The following ZFP64 variants were observed in gnomAD, a reference collection of about 807,000 sequenced individuals.
ZFP64 encodes zinc finger protein 64.
A neutral mutation model predicts 51.6 loss-of-function variants in ZFP64; 14 were observed. The ratio of observed to expected loss-of-function variants is 0.27; its 90% CI spans 0.18 to 0.42. The LOEUF is 0.42. ZFP64 is among the 10% of genes least tolerant of loss of function. The pLI, the probability that ZFP64 is intolerant of heterozygous loss-of-function variation, is 1.00. For synonymous variants in ZFP64, 375 were observed against 361.4 expected (o/e 1.04, Z -0.43); for missense variants, 754 against 906.8 (o/e 0.83, Z 2.16).
chr20:52,094,590 C>G (rs190018795), intron 7 of ZFP64, among the ~76,000 whole-genome samples: 1 of 152,006 alleles, frequency 6.6e-6, no homozygotes, highest in Admixed American at 6.6e-5. Context: ...GAGACCTCGT[C>G]ACTACAAAAT....
At chr20:52,088,768 A>G (rs1198507489) in intron 7 of ZFP64, 1 of 1,220,598 alleles carries the variant, frequency 8.2e-7, no homozygotes, top group African/African-American at 1.5e-5. Flanking sequence ...TGAGAGAGAA[A>G]GATACTGAAG....
At chr20:52,147,763 C>T (rs1980594502), downstream of ZFP64, among the ~76,000 whole-genome samples, 1 of 152,060 alleles carries the variant, frequency 6.6e-6, no homozygotes, top group Non-Finnish European at 1.5e-5. Flanking sequence ...ACCTGTAATC[C>T]CAGCACTTTG....
chr20:52,092,456 C>T (rs988896787), intron 7 of ZFP64, among the ~76,000 whole-genome samples: 6 of 152,148 alleles, frequency 3.9e-5, no homozygotes, highest in African/African-American at 1.2e-4. Flanking sequence ...CAAAGTCAAT[C>T]GTGACTATTA....
intron 5 of ZFP64, among the ~76,000 whole-genome samples, chr20:52,158,181 T>C (rs530902779): frequency 6.6e-6 from 1 of 152,344 alleles, no homozygotes; most frequent in South Asian, 2.1e-4. Context: ...ATGGTAATTA[T>C]TTTGGCTTTT....
exon 9 of ZFP64, chr20:52,084,775 T>C (rs2078846212): frequency 2.5e-6 from 4 of 1,614,194 alleles, no homozygotes; most frequent in Non-Finnish European, 3.4e-6. Flanking sequence ...TGCGTCACGA[T>C]CTTGGCCACG....
At chr20:52,090,562 G>A (rs938469638) in intron 7 of ZFP64, among the ~76,000 whole-genome samples, 10 of 151,914 alleles carry the variant, frequency 6.6e-5, no homozygotes, top group Admixed American at 1.3e-4. Flanking sequence ...GCACTTTGGG[G>A]GGCCAAGGTG....
chr20:52,117,453 T>C (rs988643138), intron 5 of ZFP64, among the ~76,000 whole-genome samples: 3 of 152,058 alleles, frequency 2.0e-5, no homozygotes, highest in Middle Eastern at 3.2e-3. Flanking sequence ...ACCTTGTCTC[T>C]ACTAAAAACT....
chr20:52,105,342 C>G lies in ZFP64; in HGVS notation c.764-6755G>C, dbSNP rs1049143075. 167 of 1,247,536 alleles carry G rather than the reference C, an allele frequency of 1.3e-4. 1 individual carries two copies. Among genetic ancestry groups the G allele is most frequent in the Middle Eastern group, 2.1e-4 (1 of 4,870 alleles). 77.3% of individuals were successfully genotyped at this position (1,247,536 alleles called of 1,614,324 possible). A position where few individuals can be genotyped will look rare whatever the true frequency, so the allele number is the denominator to read the frequency against. On this transcript the variant is annotated intron_variant, in intron 5 of 8. Coordinates refer to the ZFP64 transcript ENST00000361387. ...CCCCTTCGGCCGGAACGCGCATGTC[C>G]CGGCAATTCTGCTCATCAGCCGAGC...
chr20:52,097,295 A>G (rs540042847), intron 7 of ZFP64: 1 of 1,514,294 alleles, frequency 6.6e-7, no homozygotes, highest in Non-Finnish European at 9.1e-7. Flanking sequence ...TGTCCTGTTC[A>G]TTACTGTGTC....
chr20:52,178,002 A>C (rs1272001992), intron 2 of ZFP64, among the ~76,000 whole-genome samples: 1 of 150,814 alleles, frequency 6.6e-6, no homozygotes, highest in African/African-American at 2.4e-5. Context: ...ACTGCACTCC[A>C]GCCTGGGCGC....
chr20:52,182,443 G>A (rs1983678463), intron 2 of ZFP64, among the ~76,000 whole-genome samples: 1 of 152,240 alleles, frequency 6.6e-6, no homozygotes, highest in Non-Finnish European at 1.5e-5. Flanking sequence ...GAAGTGCTGG[G>A]TGCAGTGGCT....
rs755136204 is a variant in ZFP64 at position 52,160,394 on chromosome 20, C to T, written c.512-20G>A. ...TGTCTCCTTCAAACACATACACACA[C>T]AGATGGCAGCAGGAAACAAGATTAA... On this transcript the variant is annotated intron_variant, in intron 4 of 5. Coordinates refer to ENST00000216923, the MANE Select transcript of ZFP64 (RefSeq NM_018197.3). The surrounding 1 kb of genome is among the most constrained non-coding windows in gnomAD (Gnocchi z 4.2). The T allele has an allele frequency of 8.2e-6, 13 of 1,577,370 alleles. No individual in the cohort carries two copies. In the Admixed American group the frequency reaches 1.7e-4, roughly 20 times the overall value.
At chr20:52,132,311 C>T (rs777545396) in intron 5 of ZFP64, among the ~76,000 whole-genome samples, 1 of 151,532 alleles carries the variant, frequency 6.6e-6, no homozygotes, top group Non-Finnish European at 1.5e-5. Context: ...TCTTAAAGAA[C>T]TAGAAAAGCA....
chr20:52,122,402 A>T (rs931281886), intron 5 of ZFP64, among the ~76,000 whole-genome samples: 21 of 149,234 alleles, frequency 1.4e-4, no homozygotes, highest in African/African-American at 5.0e-4. Context: ...GCTACTCCGG[A>T]GGCTGAGGCA....
intron 5 of ZFP64, chr20:52,104,945 A>G (rs1280794046): frequency 2.5e-5 from 17 of 691,564 alleles, no homozygotes; most frequent in Non-Finnish European, 3.9e-5. Context: ...GGGACGGTGG[A>G]CTCCAGGAGA....
chr20:52,121,680 T>C (rs1443909075), intron 5 of ZFP64, among the ~76,000 whole-genome samples: 1 of 152,180 alleles, frequency 6.6e-6, no homozygotes, highest in Admixed American at 6.5e-5. Flanking sequence ...CAGCAAGTTC[T>C]CCAGAAGATG....
intron 5 of ZFP64, among the ~76,000 whole-genome samples, chr20:52,157,508 AG>A (rs1012014563): frequency 1.9e-4 from 29 of 152,318 alleles, no homozygotes; most frequent in African/African-American, 7.0e-4. Context: ...AGTGATGGAA[AG>A]GATGTTCCAA....
At position 52,152,399 on chromosome 20, in the gene ZFP64, G is replaced by A; in HGVS notation, c.1793C>T (p.Ser598Phe). ...PTASGGPQEG[S>F]GNQTFITSSG... ...ACTGGTAATGAAAGTTTGATTGCCA[G>A]AGCCTTCCTGGGGGCCACCTGAGGC... The change falls in exon 6 of 6, where the codon TCT becomes TTT. Residue 598 changes from serine to phenylalanine, a missense_variant. Physicochemically the swap from Ser to Phe is radical, Grantham distance 155. This residue lies in a region of ZFP64 where 428 missense variants were observed against 472.4 expected (regional missense o/e 0.91). Transcript: ENST00000216923. 1.9e-6 allele frequency: 3 copies of A among 1,614,236 alleles called. No homozygotes were observed. Among genetic ancestry groups the A allele is most frequent in the Non-Finnish European group, 2.5e-6 (3 of 1,180,050 alleles).
intron 4 of ZFP64, among the ~76,000 whole-genome samples, chr20:52,162,604 G>C (rs1317924549): frequency 6.6e-6 from 1 of 152,086 alleles, no homozygotes; most frequent in Non-Finnish European, 1.5e-5. Context: ...TCCAGCCTGG[G>C]TGACAGAGCG....
Sources: allele counts gnomAD v4.1 joint callset (sites outside exome capture counted in the v4.1 genomes callset), GRCh38; gene constraint gnomAD v4.1.1; regional missense constraint gnomAD v4.1.1; non-coding constraint Gnocchi (gnomAD v3.1); transcripts MANE v1.5; gene names NCBI Gene and HGNC (gene_info 2026-07-23, HGNC 2026-07-21).